DOCK1: variants seen among roughly 807,000 people sequenced by gnomAD.
The protein encoded by DOCK1 is dedicator of cytokinesis 1, also known as dedicator of cytokinesis protein 1.
In DOCK1, 138 loss-of-function variants were observed where a neutral mutation model predicts 262.7. The observed-to-expected ratio is 0.53, with a 90% CI of 0.46 to 0.61. The LOEUF (loss-of-function observed/expected upper bound fraction) is 0.61, where lower values mean the gene tolerates loss of function less well. DOCK1 is among the 20% of genes least tolerant of loss of function. The pLI is 0.00. For synonymous variants in DOCK1, 866 were observed against 867.4 expected, an observed-to-expected ratio of 1.00 and a Z score of 0.03; for missense variants, 1,908 against 2,370.7, an observed-to-expected ratio of 0.80 and a Z score of 4.05.
intron 27 of DOCK1, among the ~76,000 whole-genome samples, chr10:127,128,316 G>A (rs2050096240): frequency 6.9e-6 from 1 of 144,560 alleles, no homozygotes; most frequent in African/African-American, 2.5e-5. Flanking sequence ...AGCAAAAAAT[G>A]CATGAGTAGA....
chr10:127,242,188 T>C (rs2059288606), intron 27 of DOCK1, among the ~76,000 whole-genome samples: 1 of 152,216 alleles, frequency 6.6e-6, no homozygotes, highest in Non-Finnish European at 1.5e-5. Flanking sequence ...TGCCTTACTG[T>C]CATTTAATGT....
intron 38 of DOCK1, among the ~76,000 whole-genome samples, chr10:127,402,295 G>A (rs1426114086): frequency 4.6e-5 from 7 of 152,142 alleles, no homozygotes; most frequent in Admixed American, 4.6e-4. Flanking sequence ...CAGCTAGGAA[G>A]GCTTCCTGGA....
chr10:127,280,476 T>C lies in DOCK1; in HGVS notation c.3044+23047T>C, dbSNP rs115996130. Among the ~76,000 whole-genome samples, 770 of 152,288 alleles carry C rather than the reference T, an allele frequency of 5.1e-3. 5 individuals carry two copies. Among genetic ancestry groups the C allele is most frequent in the African/African-American group, 0.018 (738 of 41,558 alleles). On this transcript the variant is annotated intron_variant, in intron 29 of 51. Transcript: ENST00000623213. ...GCATCATGCTTACCCATTCACCTCA[T>C]CTTGCATTCAGAGAGCTCTCAGGCA...
intron 29 of DOCK1, among the ~76,000 whole-genome samples, chr10:127,329,047 A>C (rs1043709074): frequency 1.3e-5 from 2 of 152,262 alleles, no homozygotes; most frequent in African/African-American, 4.8e-5. Context: ...GCATAATTAC[A>C]TCCACAGTGT....
intron 27 of DOCK1, chr10:127,136,159 C>T (rs572685664): frequency 5.3e-5 from 8 of 151,800 alleles, no homozygotes; most frequent in African/African-American, 1.2e-4. Flanking sequence ...GTTTGGCCCC[C>T]GAAGAATGTT....
Position 127,347,294 on chromosome 10 carries a change from CGAA to C in DOCK1, c.3224+3553_3224+3555del, listed in dbSNP as rs199979923. ...GGGGACAAAGACACAGACCTCGTGA[CGAA>C]GAAGGTCATGGTCTAGTGGGGTAAA... On this transcript the variant is annotated intron_variant, in intron 31 of 51. Transcript: ENST00000623213. 8.2e-3 allele frequency among the ~76,000 whole-genome samples: 1,248 copies of C among 152,274 alleles called. 15 individuals are homozygous for C. The highest frequency in any genetic ancestry group is 0.029 in the African/African-American group (1,187 of 41,536).
chr10:126,911,901 C>T (rs1032574359), intron 1 of DOCK1, among the ~76,000 whole-genome samples: 2 of 152,172 alleles, frequency 1.3e-5, no homozygotes, highest in African/African-American at 4.8e-5. Flanking sequence ...GTTGAAATCA[C>T]AGTGTGGAAT....
At position 127,175,221 on chromosome 10, in the gene DOCK1, T is replaced by C. The variant is rs1452661243; in HGVS notation, c.2847+47457T>C. 3.7e-6 allele frequency: 6 copies of C among 1,612,858 alleles called. No homozygotes were observed. Among genetic ancestry groups the C allele is most frequent in the Non-Finnish European group, 5.1e-6 (6 of 1,179,314 alleles). On this transcript the variant is annotated intron_variant, in intron 27 of 51. Coordinates refer to ENST00000623213, the MANE Select transcript of DOCK1 (RefSeq NM_001290223.2). This position sits in a 1 kb window ranked among gnomAD's most constrained non-coding sequence, Gnocchi z 6.3. ...GGGTGAACATACATACCCTTCCCGATGGGCCTCTCCTTTTTCCAACTCCTG... is the reference window on the plus strand; with the variant it reads ...GGGTGAACATACATACCCTTCCCGACGGGCCTCTCCTTTTTCCAACTCCTG...
At chr10:127,106,697 C>T (rs755171150) in intron 24 of DOCK1, among the ~76,000 whole-genome samples, 7 of 152,138 alleles carry the variant, frequency 4.6e-5, no homozygotes, top group Admixed American at 2.6e-4. Context: ...AGAGGCAACT[C>T]CTCTTTGGGA....
intron 1 of DOCK1, among the ~76,000 whole-genome samples, chr10:126,944,416 C>G (rs955415641): frequency 6.6e-6 from 1 of 151,794 alleles, no homozygotes; most frequent in South Asian, 2.1e-4. Context: ...GCGGACCTGC[C>G]GAGGCAGCTG....
intron 31 of DOCK1, among the ~76,000 whole-genome samples, chr10:127,353,525 C>T (rs777625671): frequency 1.3e-5 from 2 of 152,210 alleles, no homozygotes; most frequent in Non-Finnish European, 2.9e-5. Context: ...CAATGCTGGG[C>T]CGTCTCCCCA....
At chr10:127,345,683 C>CT (rs1240296630) in intron 31 of DOCK1, among the ~76,000 whole-genome samples, 1 of 152,214 alleles carries the variant, frequency 6.6e-6, no homozygotes, top group Non-Finnish European at 1.5e-5. Flanking sequence ...CACGCAGCAG[C>CT]TGCAGCCCAC....
intron 13 of DOCK1, chr10:127,019,084 C>T (rs771418137): frequency 1.4e-4 from 68 of 477,122 alleles, no homozygotes; most frequent in Non-Finnish European, 2.0e-4. Context: ...GTGAGGGGGG[C>T]GTGGGCACCC....
intron 12 of DOCK1, among the ~76,000 whole-genome samples, chr10:127,014,119 G>C (rs1213342368): frequency 6.6e-6 from 1 of 152,180 alleles, no homozygotes; most frequent in Non-Finnish European, 1.5e-5. Flanking sequence ...CTTGGCCTTG[G>C]CCAGTTTTTG....
chr10:126,915,750 C>T (rs2032414635), intron 1 of DOCK1, among the ~76,000 whole-genome samples: 1 of 152,146 alleles, frequency 6.6e-6, no homozygotes, highest in African/African-American at 2.4e-5. Context: ...CGTGCCTGGC[C>T]TCAGTGTGTC....
chr10:127,008,870 ATCTT>A, intron 11 of DOCK1, 66 bp downstream of exon 11: 7 of 1,322,908 alleles, frequency 5.3e-6, no homozygotes, highest in Non-Finnish European at 7.3e-6. Flanking sequence ...TGTAATAATT[ATCTT>A]TATAATTAAA....
chr10:127,109,363 G>C (rs1242644733), intron 24 of DOCK1, among the ~76,000 whole-genome samples: 1 of 152,192 alleles, frequency 6.6e-6, no homozygotes, highest in African/African-American at 2.4e-5. Context: ...TTGTAAAAGT[G>C]TATTTTTAAA....
In DOCK1 at chr10:126,907,305, CAG is replaced by C. The variant is rs541509398; in HGVS notation, c.46+1745_46+1746del. On this transcript the variant is annotated intron_variant, in intron 1 of 51. Transcript: ENST00000623213. ...ATAGGCAGGAGAGGCAGGAGGCTGG[CAG>C]AGGAGCAGGCATCCCATAGCCCTGG... Among the ~76,000 whole-genome samples, 8 of 152,174 alleles carry C rather than the reference CAG, an allele frequency of 5.3e-5. No individual in the cohort carries two copies. The South Asian group carries it at 1.0e-3, about 20-fold the overall frequency.
chr10:127,281,863 G>A (rs770026304), intron 29 of DOCK1, among the ~76,000 whole-genome samples: 2 of 152,146 alleles, frequency 1.3e-5, no homozygotes, highest in African/African-American at 2.4e-5. Context: ...GTACAGGGAG[G>A]CAGGGATTAG....
Sources: allele counts gnomAD v4.1 joint callset (sites outside exome capture counted in the v4.1 genomes callset), GRCh38; gene constraint gnomAD v4.1.1; non-coding constraint Gnocchi (gnomAD v3.1); transcripts MANE v1.5; gene names NCBI Gene and HGNC (gene_info 2026-07-23, HGNC 2026-07-21).